Variants in ZMYND11 observed in about 807,000 individuals in gnomAD.
The protein encoded by ZMYND11 is zinc finger MYND-type containing 11.
In ZMYND11, 9 loss-of-function variants were observed where a neutral mutation model predicts 84.9. That is an observed-to-expected ratio of 0.11 (90% CI 0.06 to 0.18). The LOEUF is 0.18. Among genes scored for constraint, ZMYND11 ranks in the 10% least tolerant of loss-of-function variants. The pLI is 1.00. For synonymous variants in ZMYND11, 250 were observed against 244.1 expected, an observed-to-expected ratio of 1.02 and a Z score of -0.23; for missense variants, 409 against 761.0, an observed-to-expected ratio of 0.54 and a Z score of 5.44.
At position 252,896 on chromosome 10, in the gene ZMYND11, T is replaced by G. The variant is rs1332815343; in HGVS notation, c.*426T>G. ...AACATACTACCTTGATGTGACATTT[T>G]TTTCTTAACCTTGTTGAGCTGGTTT... On this transcript the variant is annotated 3_prime_UTR_variant, in exon 15 of 15. Transcript: ENST00000381604. The surrounding 1 kb of genome is among the most constrained non-coding windows in gnomAD (Gnocchi z 4.6). The G allele has an allele frequency of 6.3e-6, 1 of 158,924 alleles. No homozygotes were observed. Among genetic ancestry groups the G allele is most frequent in the African/African-American group, 2.4e-5 (1 of 41,492 alleles). The allele number at this position is 158,924 out of a possible 1,614,324, so 9.8% of individuals were successfully genotyped here. A position where few individuals can be genotyped will look rare whatever the true frequency, so the allele number is the denominator to read the frequency against.
chr10:228,818 TAA>T (rs1015044542), intron 4 of ZMYND11, among the ~76,000 whole-genome samples: 1 of 152,210 alleles, frequency 6.6e-6, no homozygotes, highest in African/African-American at 2.4e-5. Flanking sequence ...TTCCTATTCC[TAA>T]GTCATATAGC....
intron 10 of ZMYND11, among the ~76,000 whole-genome samples, chr10:243,373 A>G (rs945722200): frequency 6.6e-6 from 1 of 152,242 alleles, no homozygotes; most frequent in African/African-American, 2.4e-5. Context: ...GTTAACTTAG[A>G]AAAAACAAGA....
intron 2 of ZMYND11, among the ~76,000 whole-genome samples, chr10:182,644 C>T (rs898213502): frequency 6.6e-6 from 1 of 152,346 alleles, no homozygotes; most frequent in East Asian, 1.9e-4. Context: ...GTACTTCCTT[C>T]ATAACATTAA....
chr10:247,515 ATTTT>A, intron 12 of ZMYND11, 49 bp downstream of exon 12: 4 of 1,570,958 alleles, frequency 2.5e-6, no homozygotes, highest in South Asian at 1.1e-5. Flanking sequence ...AACAGGAAAT[ATTTT>A]CAAAGTATTT....
At chr10:203,349 T>TA (rs1021089467) in intron 2 of ZMYND11, among the ~76,000 whole-genome samples, 30 of 150,730 alleles carry the variant, frequency 2.0e-4, no homozygotes, top group Admixed American at 4.6e-4. Context: ...AATTCCATTT[T>TA]AAAAAAAAAC....
intron 3 of ZMYND11, among the ~76,000 whole-genome samples, chr10:217,081 A>G (rs1220805951): frequency 6.6e-6 from 1 of 151,642 alleles, no homozygotes; most frequent in Non-Finnish European, 1.5e-5. Context: ...TAAATTAAAA[A>G]TTGCTTTTGG....
intron 4 of ZMYND11, among the ~76,000 whole-genome samples, chr10:233,050 G>A (rs754319895): frequency 2.6e-5 from 4 of 152,184 alleles, no homozygotes; most frequent in Non-Finnish European, 5.9e-5. Context: ...GCGCTTGTCC[G>A]TGTTTACATG....
intron 7 of ZMYND11, chr10:239,836 C>G: frequency 1.8e-6 from 1 of 548,544 alleles, no homozygotes; most frequent in Non-Finnish European, 3.2e-6. Flanking sequence ...CCACATCATC[C>G]AAAGGTAAGG....
At chr10:196,497 T>C (rs988311003) in intron 2 of ZMYND11, among the ~76,000 whole-genome samples, 2 of 152,162 alleles carry the variant, frequency 1.3e-5, no homozygotes, top group African/African-American at 4.8e-5. Context: ...AAATACATGA[T>C]ATTACAATTT....
chr10:233,192 T>G (rs1949305711), intron 4 of ZMYND11, among the ~76,000 whole-genome samples: 1 of 150,924 alleles, frequency 6.6e-6, no homozygotes, highest in African/African-American at 2.4e-5. Flanking sequence ...GGGCGGCACC[T>G]GAGACATCGG....
upstream of ZMYND11, among the ~76,000 whole-genome samples, chr10:132,751 G>C (rs1835341892): frequency 6.6e-6 from 1 of 152,146 alleles, no homozygotes; most frequent in African/African-American, 2.4e-5. Flanking sequence ...AATGAAATCT[G>C]ATCTGGACAC....
At chr10:227,139 T>TCA (rs1225753705) in intron 4 of ZMYND11, among the ~76,000 whole-genome samples, 2 of 152,190 alleles carry the variant, frequency 1.3e-5, no homozygotes, top group African/African-American at 4.8e-5. Flanking sequence ...ATTACTAATT[T>TCA]CAAAATACTT....
At chr10:151,765 A>G (rs545385156) in intron 1 of ZMYND11, among the ~76,000 whole-genome samples, 1 of 152,336 alleles carries the variant, frequency 6.6e-6, no homozygotes, top group South Asian at 2.1e-4. Context: ...CATAATTGTC[A>G]GATTCACCAA....
At chr10:165,636 A>G (rs1302669756) in intron 1 of ZMYND11, among the ~76,000 whole-genome samples, 2 of 152,102 alleles carry the variant, frequency 1.3e-5, no homozygotes, top group Non-Finnish European at 2.9e-5. Context: ...GGAAAACCGG[A>G]AATCTAAGCA....
chr10:187,523 A>C (rs1939010225), intron 2 of ZMYND11, among the ~76,000 whole-genome samples: 2 of 151,526 alleles, frequency 1.3e-5, no homozygotes, highest in South Asian at 4.2e-4. Flanking sequence ...AGTCCCAGCT[A>C]CTCGGGAGGC....
At chr10:243,196 A>G (rs772245545) in intron 10 of ZMYND11, among the ~76,000 whole-genome samples, 3 of 152,192 alleles carry the variant, frequency 2.0e-5, no homozygotes, top group South Asian at 2.1e-4. Flanking sequence ...TAAAGGCCTC[A>G]TAAGAGTTTT....
chr10:173,836 A>T (rs1399194604), intron 1 of ZMYND11, among the ~76,000 whole-genome samples: 2 of 152,322 alleles, frequency 1.3e-5, no homozygotes, highest in East Asian at 3.9e-4. Context: ...GGGAATTAAA[A>T]ATTAAAACAT....
chr10:155,690 T>C (rs1554758602), intron 1 of ZMYND11, among the ~76,000 whole-genome samples: 1 of 152,248 alleles, frequency 6.6e-6, no homozygotes, highest in Non-Finnish European at 1.5e-5. Flanking sequence ...TTTGCACTTC[T>C]GGTTTTGGCC....
At chr10:237,736 G>A (rs1950219357) in intron 6 of ZMYND11, 59 bp downstream of exon 6, 1 of 1,344,886 alleles carries the variant, frequency 7.4e-7, no homozygotes, top group South Asian at 1.3e-5. Context: ...ACAAGTTAAA[G>A]AATAATGTAG....
Sources: gnomAD v4.1 joint callset for allele counts (sites outside exome capture counted in the v4.1 genomes callset) on GRCh38, gnomAD v4.1.1 for gene constraint, Gnocchi (gnomAD v3.1) non-coding constraint, MANE v1.5 for transcripts, NCBI Gene and HGNC (gene_info 2026-07-23, HGNC 2026-07-21) for gene names.